DOCK11: variants seen among roughly 807,000 people sequenced by gnomAD.
DOCK11 encodes dedicator of cytokinesis 11.
DOCK11 carries 70 observed loss-of-function variants against 169.1 expected under a neutral mutation model. The observed-to-expected ratio is 0.41, with a 90% CI of 0.34 to 0.51. The LOEUF is 0.51. DOCK11 is among the 20% of genes least tolerant of loss of function. The pLI, the probability that DOCK11 is intolerant of heterozygous loss-of-function variation, is 0.10. For synonymous variants in DOCK11, 529 were observed against 541.3 expected (o/e 0.98, Z 0.32); for missense variants, 1,166 against 1,538.8 (o/e 0.76, Z 4.05).
At chrX:118,624,990 G>C (rs2015066526) in intron 32 of DOCK11, among the ~76,000 whole-genome samples, 1 of 109,156 alleles carries the variant, frequency 9.2e-6, no homozygotes, top group Admixed American at 9.8e-5. Context: ...AAACTCCTGA[G>C]CTCAAGGAAT....
intron 12 of DOCK11, among the ~76,000 whole-genome samples, chrX:118,576,004 T>G (rs998248035): frequency 2.7e-5 from 3 of 112,226 alleles, no homozygotes; most frequent in African/African-American, 9.7e-5. Context: ...TGAAATGATA[T>G]AATCACTACT....
chrX:118,615,898 A>G (rs2014799812), intron 30 of DOCK11, among the ~76,000 whole-genome samples, 187 bp downstream of exon 30: 1 of 112,263 alleles, frequency 8.9e-6, no homozygotes, highest in African/African-American at 3.2e-5. Context: ...CATAGTGTGA[A>G]GAAATCAGGT....
At chrX:118,514,166 C>G (rs1043757145) in intron 1 of DOCK11, among the ~76,000 whole-genome samples, 1 of 109,848 alleles carries the variant, frequency 9.1e-6, no homozygotes, top group Non-Finnish European at 1.9e-5. Flanking sequence ...TCACTCCATC[C>G]TGCCACCCTG....
At chrX:118,567,944 G>A (rs1010883450) in intron 9 of DOCK11, 135 bp from the exon 10 acceptor site, 1 of 303,010 alleles carries the variant, frequency 3.3e-6, no homozygotes, top group Non-Finnish European at 5.9e-6. Context: ...TTCCTGTTTT[G>A]TACTGACTAC....
chrX:118,632,641 G>A (rs1285763627), intron 35 of DOCK11: 1 of 110,353 alleles, frequency 9.1e-6, no homozygotes, highest in Non-Finnish European at 1.9e-5. Flanking sequence ...GTCCTCTCTT[G>A]GCTTTCTTTT....
At chrX:118,568,636 C>T (rs1194525874) in intron 10 of DOCK11, among the ~76,000 whole-genome samples, 1 of 108,250 alleles carries the variant, frequency 9.2e-6, no homozygotes. Context: ...GGATAATTGT[C>T]ATGTCTGGCT....
At chrX:118,639,368 A>G in intron 37 of DOCK11, 67 bp from the exon 38 acceptor site, 1 of 1,119,847 alleles carries the variant, frequency 8.9e-7, no homozygotes, top group Non-Finnish European at 1.2e-6. Context: ...TTTTTTAGTT[A>G]AAAAGATGAT....
chrX:118,623,754 C>A (rs2015030391), intron 31 of DOCK11, among the ~76,000 whole-genome samples: 1 of 112,918 alleles, frequency 8.9e-6, no homozygotes, highest in Admixed American at 9.3e-5. Context: ...ACATATTGAC[C>A]ATTTTGCCCT....
At chrX:118,577,613 G>T (rs1035291903) in intron 12 of DOCK11, among the ~76,000 whole-genome samples, 1 of 111,458 alleles carries the variant, frequency 9.0e-6, no homozygotes, top group East Asian at 2.8e-4. Context: ...CAGCCATTAC[G>T]CAGGATCCTT....
chrX:118,635,209 T>C (rs758805679), intron 35 of DOCK11, among the ~76,000 whole-genome samples: 2 of 112,128 alleles, frequency 1.8e-5, no homozygotes, highest in Non-Finnish European at 3.8e-5. Context: ...AACATTGTCT[T>C]GTCTTCCATC....
At chrX:118,615,217 A>G (rs192589238) in intron 29 of DOCK11, among the ~76,000 whole-genome samples, 18 of 112,090 alleles carry the variant, frequency 1.6e-4, no homozygotes, top group African/African-American at 5.5e-4. Context: ...TTTAAAACTC[A>G]GAGTTGAGAG....
At chrX:118,597,107 G>A (rs752554473) in intron 20 of DOCK11, among the ~76,000 whole-genome samples, 1 of 112,161 alleles carries the variant, frequency 8.9e-6, no homozygotes, top group South Asian at 3.7e-4. Flanking sequence ...TAATGGTATC[G>A]ATGCGCTTTT....
chrX:118,514,550 A>G (rs144387795), intron 1 of DOCK11, among the ~76,000 whole-genome samples: 2,195 of 111,651 alleles, frequency 0.02, 59 homozygotes, highest in African/African-American at 0.068. Flanking sequence ...ATAAACACCC[A>G]GATTTCCTAG....
intron 16 of DOCK11, among the ~76,000 whole-genome samples, chrX:118,586,534 C>T (rs887506776): frequency 9.0e-6 from 1 of 111,666 alleles, no homozygotes; most frequent in African/African-American, 3.3e-5. Context: ...GTCTCTCCCT[C>T]AACACCTGGG....
chrX:118,576,089 C>T (rs747386828), intron 12 of DOCK11, among the ~76,000 whole-genome samples: 8 of 112,052 alleles, frequency 7.1e-5, no homozygotes, highest in Non-Finnish European at 1.1e-4. Context: ...GTAGTGGTGA[C>T]GGTAGGATTT....
intron 1 of DOCK11, among the ~76,000 whole-genome samples, chrX:118,496,818 G>A (rs2057541701): frequency 9.0e-6 from 1 of 111,602 alleles, no homozygotes; most frequent in Non-Finnish European, 1.9e-5. Flanking sequence ...GTGCCGTGGG[G>A]ATTTGGGGGA....
intron 1 of DOCK11, among the ~76,000 whole-genome samples, chrX:118,529,027 A>G (rs1178892585): frequency 9.4e-6 from 1 of 106,114 alleles, no homozygotes; most frequent in African/African-American, 3.5e-5. Context: ...TCTGTCACCC[A>G]GACTGGAGTA....
chrX:118,627,624 C>T, intron 33 of DOCK11, 45 bp downstream of exon 33: 1 of 912,302 alleles, frequency 1.1e-6, no homozygotes, highest in South Asian at 2.0e-5. Flanking sequence ...GGTGTTTAGA[C>T]ATGTACCCTC....
intron 1 of DOCK11, among the ~76,000 whole-genome samples, chrX:118,522,963 T>A (rs1266052219): frequency 1.8e-5 from 2 of 112,459 alleles, no homozygotes; most frequent in African/African-American, 6.5e-5. Flanking sequence ...CTTGGGCAAG[T>A]TTCTGACCTC....
Sources: allele counts gnomAD v4.1 joint callset (sites outside exome capture counted in the v4.1 genomes callset), GRCh38; gene constraint gnomAD v4.1.1; transcripts MANE v1.5; gene names NCBI Gene and HGNC (gene_info 2026-07-23, HGNC 2026-07-21).